The following RPTOR variants were observed in gnomAD, a reference collection of about 807,000 sequenced individuals.
The protein encoded by RPTOR is regulatory associated protein of MTOR complex 1.
A neutral mutation model predicts 169.9 loss-of-function variants in RPTOR; 21 were observed. The observed-to-expected ratio is 0.12, with a 90% CI of 0.09 to 0.18. The LOEUF is 0.18. RPTOR is among the 10% of genes least tolerant of loss of function. The pLI is 1.00. For missense variants in RPTOR, 1,133 were observed against 1,855.9 expected, an observed-to-expected ratio of 0.61 and a Z score of 7.16; for synonymous variants, 732 against 753.2, an observed-to-expected ratio of 0.97 and a Z score of 0.46.
At chr17:80,768,957 T>C (rs1430276013) in intron 6 of RPTOR, among the ~76,000 whole-genome samples, 1 of 152,208 alleles carries the variant, frequency 6.6e-6, no homozygotes, top group Non-Finnish European at 1.5e-5. Flanking sequence ...ATCATTTGAT[T>C]TGTGCTAAAC....
chr17:80,774,158 A>C, intron 6 of RPTOR: 1 of 985,330 alleles, frequency 1.0e-6, no homozygotes, highest in Non-Finnish European at 1.2e-6. Flanking sequence ...CATCCTGAGA[A>C]AGCGGGGACT....
intron 2 of RPTOR, among the ~76,000 whole-genome samples, chr17:80,642,455 C>G (rs2065561669): frequency 6.6e-6 from 1 of 152,140 alleles, no homozygotes; most frequent in Admixed American, 6.5e-5. Context: ...TAAGACATTT[C>G]TGATGAGCTC....
intron 1 of RPTOR, among the ~76,000 whole-genome samples, chr17:80,594,393 T>C (rs2065129772): frequency 6.6e-6 from 1 of 152,196 alleles, no homozygotes; most frequent in Admixed American, 6.5e-5. Context: ...CGCCCGGCCG[T>C]GCAGTTCTTT....
At chr17:80,758,051 T>C (rs1387818968) in intron 6 of RPTOR, among the ~76,000 whole-genome samples, 1 of 152,216 alleles carries the variant, frequency 6.6e-6, no homozygotes, top group Non-Finnish European at 1.5e-5. Context: ...GTGTATGTAA[T>C]AAGACCCATG....
chr17:80,580,492 A>G (rs2065004946), intron 1 of RPTOR, among the ~76,000 whole-genome samples: 1 of 152,080 alleles, frequency 6.6e-6, no homozygotes, highest in African/African-American at 2.4e-5. Context: ...TCATTGTTTT[A>G]ATTATACTTT....
intron 4 of RPTOR, chr17:80,709,113 A>G (rs1038292090): frequency 1.5e-5 from 15 of 985,282 alleles, no homozygotes; most frequent in Middle Eastern, 5.2e-4. Flanking sequence ...GAAGTTAGAA[A>G]GGTATCCACC....
intron 3 of RPTOR, among the ~76,000 whole-genome samples, chr17:80,672,500 C>T (rs2065829495): frequency 6.6e-6 from 1 of 151,680 alleles, no homozygotes; most frequent in East Asian, 1.9e-4. Context: ...AAAAAACAAA[C>T]TTCTCAGCCA....
intron 1 of RPTOR, among the ~76,000 whole-genome samples, chr17:80,577,699 C>G (rs774449214): frequency 7.9e-5 from 12 of 152,178 alleles, no homozygotes; most frequent in African/African-American, 1.2e-4. Flanking sequence ...GCCAGGGTGT[C>G]AAACTGTGTG....
intron 24 of RPTOR, among the ~76,000 whole-genome samples, chr17:80,925,868 C>T (rs1013566932): frequency 6.6e-6 from 1 of 152,260 alleles, no homozygotes; most frequent in Non-Finnish European, 1.5e-5. Context: ...TTTGGGGTTA[C>T]ACCACAAGAC....
Position 80,891,604 on chromosome 17 carries a change from A to G in RPTOR, c.1984-116A>G, listed in dbSNP as rs115801416. 1.1e-3 allele frequency: 778 copies of G among 720,218 alleles called. 2 individuals carry two copies. Among genetic ancestry groups the G allele is most frequent in the African/African-American group, 0.01 (591 of 56,648 alleles). The allele number at this position is 720,218 out of a possible 1,614,324, so 44.6% of individuals were successfully genotyped here. On this transcript the variant is annotated intron_variant, in intron 17 of 33. Transcript: ENST00000306801. ...GGGATGGTCCCTGTTTCTGATGCCA[A>G]TTGCACGGTTTTGTCTTAACCTTTC...
chr17:80,652,583 GCC>G (rs910064979), intron 3 of RPTOR, among the ~76,000 whole-genome samples: 14 of 152,222 alleles, frequency 9.2e-5, no homozygotes, highest in Admixed American at 2.6e-4. Context: ...TCCTGCTTCA[GCC>G]TCAACTCTTT....
intron 20 of RPTOR, among the ~76,000 whole-genome samples, chr17:80,902,457 C>T (rs1415063717): frequency 6.6e-6 from 1 of 152,248 alleles, no homozygotes; most frequent in Non-Finnish European, 1.5e-5. Flanking sequence ...CGCCAGGATC[C>T]CCATGTAGGT....
At chr17:80,948,159 G>A (rs2069125473) in intron 27 of RPTOR, among the ~76,000 whole-genome samples, 1 of 152,214 alleles carries the variant, frequency 6.6e-6, no homozygotes, top group African/African-American at 2.4e-5. Context: ...GCCGACACCC[G>A]GATCCCACCC....
intron 3 of RPTOR, among the ~76,000 whole-genome samples, chr17:80,663,071 T>C (rs2065736420): frequency 1.3e-5 from 2 of 152,164 alleles, no homozygotes; most frequent in Admixed American, 6.5e-5. Context: ...CCACATGTGA[T>C]GTATTCTTTT....
At chr17:80,724,827 G>A (rs1294398729) in intron 4 of RPTOR, among the ~76,000 whole-genome samples, 2 of 152,178 alleles carry the variant, frequency 1.3e-5, no homozygotes, top group Non-Finnish European at 1.5e-5. Flanking sequence ...CCGCCCCCAC[G>A]ACACTTGCGC....
chr17:80,958,705 G>A (rs1022342368), intron 29 of RPTOR, among the ~76,000 whole-genome samples: 3 of 152,082 alleles, frequency 2.0e-5, no homozygotes, highest in Admixed American at 6.5e-5. Flanking sequence ...GAGCCACTGC[G>A]CCCGGCCAGA....
intron 2 of RPTOR, among the ~76,000 whole-genome samples, chr17:80,637,451 G>GC (rs933455513): frequency 1.8e-4 from 28 of 152,162 alleles, no homozygotes; most frequent in African/African-American, 5.6e-4. Context: ...CCCCTGCTCC[G>GC]CCCCCCTCTG....
chr17:80,573,457 C>T (rs2064928994), intron 1 of RPTOR, among the ~76,000 whole-genome samples: 1 of 152,068 alleles, frequency 6.6e-6, no homozygotes, highest in Non-Finnish European at 1.5e-5. Context: ...ATATGCTTTT[C>T]CCTGTAGAGG....
intron 20 of RPTOR, among the ~76,000 whole-genome samples, chr17:80,901,113 C>T (rs1054447112): frequency 5.9e-5 from 9 of 152,140 alleles, no homozygotes; most frequent in Non-Finnish European, 1.2e-4. Context: ...GCGGAGGCCC[C>T]GCCCAACTCC....
Sources: allele counts gnomAD v4.1 joint callset (sites outside exome capture counted in the v4.1 genomes callset), GRCh38; gene constraint gnomAD v4.1.1; transcripts MANE v1.5; gene names NCBI Gene and HGNC (gene_info 2026-07-23, HGNC 2026-07-21).